ADGB: variants seen among roughly 807,000 people sequenced by gnomAD.
ADGB encodes the protein androglobin.
In ADGB, 172 loss-of-function variants were observed where a neutral mutation model predicts 210.5. The ratio of observed to expected loss-of-function variants is 0.82; its 90% CI spans 0.72 to 0.93. The LOEUF is 0.93. Among genes scored for constraint, ADGB ranks in the 40% least tolerant of loss-of-function variants. The pLI is 0.00. For synonymous variants in ADGB, 658 were observed against 662.7 expected (o/e 0.99, Z 0.11); for missense variants, 2,025 against 1,964.8 (o/e 1.03, Z -0.58).
Position 146,672,482 on chromosome 6 carries a change from A to T in ADGB, c.1087+15A>T, listed in dbSNP as rs1272388095. The T allele has an allele frequency of 2.6e-6, 4 of 1,521,576 alleles. No individual in the cohort carries two copies. The highest frequency in any genetic ancestry group is 3.5e-6 in the Non-Finnish European group (4 of 1,135,922). 94.3% of individuals were successfully genotyped at this position (1,521,576 alleles called of 1,614,324 possible). On this transcript the variant is annotated intron_variant, in intron 8 of 35. Transcript: ENST00000397944. ...AGTTCCAAAGGGTAAGATATTTTAC[A>T]TCAAAATGTGATTCAGTATGGACAT...
chr6:146,658,064 G>A (rs1775809359), intron 5 of ADGB, among the ~76,000 whole-genome samples: 1 of 152,134 alleles, frequency 6.6e-6, no homozygotes, highest in Admixed American at 6.5e-5. Flanking sequence ...TTATGAAAAT[G>A]TAACTTTTTC....
chr6:146,661,273 T>A (rs886710775), intron 5 of ADGB, among the ~76,000 whole-genome samples: 2 of 144,632 alleles, frequency 1.4e-5, no homozygotes, highest in African/African-American at 5.1e-5. Context: ...CAGGCTGGAG[T>A]GTAGTGGCAC....
chr6:146,736,548 G>A lies in ADGB; in HGVS notation c.2845G>A (p.Val949Ile). 2 of 1,549,260 alleles carry A rather than the reference G, an allele frequency of 1.3e-6. No individual in the cohort carries two copies. The highest frequency in any genetic ancestry group is 1.7e-6 in the Non-Finnish European group (2 of 1,145,836). Residue 949 changes from valine (V) to isoleucine (I), a missense_variant, in exon 23 of 36, where the codon GTA becomes ATA. By Grantham distance (29) the Val-to-Ile change is conservative. Transcript: ENST00000397944. ...AGATACTCTTCAAAAAGTTTGGGCT[G>A]TATTGGAAATGAATTTAGAACAGTA... ...VADTLQKVWA[V>I]LEMNLEQYAV...
chr6:146,797,920 C>A (rs914483845), intron 33 of ADGB, among the ~76,000 whole-genome samples: 2 of 146,190 alleles, frequency 1.4e-5, no homozygotes, highest in African/African-American at 5.1e-5. Flanking sequence ...ATTGATAATA[C>A]ATAAATAAAT....
intron 12 of ADGB, among the ~76,000 whole-genome samples, chr6:146,696,316 T>TAATTAATCAATGAAAACTCTGA (rs1562276883): frequency 6.6e-6 from 1 of 152,000 alleles, no homozygotes; most frequent in African/African-American, 2.4e-5. Flanking sequence ...CCTCAGGTGA[T>TAATTAATCAATGAAAACTCTGA]CCACCCACCT....
chr6:146,638,444 G>A (rs1450281484), intron 2 of ADGB, among the ~76,000 whole-genome samples: 1 of 151,724 alleles, frequency 6.6e-6, no homozygotes, highest in Non-Finnish European at 1.5e-5. Context: ...ATGAGTTCAT[G>A]TCCTTTGTAG....
At chr6:146,615,374 G>C (rs1376622635) in intron 1 of ADGB, among the ~76,000 whole-genome samples, 3 of 152,114 alleles carry the variant, frequency 2.0e-5, no homozygotes, top group Non-Finnish European at 4.4e-5. Flanking sequence ...ATGAGATTTG[G>C]AGGGGACAGA....
At chr6:146,799,058 C>CAAAAAAAAAAAAAAAAAA (rs71552962) in intron 33 of ADGB, among the ~76,000 whole-genome samples, 2 of 63,532 alleles carry the variant, frequency 3.1e-5, no homozygotes, top group African/African-American at 6.6e-5. Context: ...TATGGAAATG[C>CAAAAAAAAAAAAAAAAAA]AAAAAAAAAA....
intron 12 of ADGB, among the ~76,000 whole-genome samples, chr6:146,695,591 A>C (rs896668250): frequency 6.6e-6 from 1 of 151,702 alleles, no homozygotes; most frequent in African/African-American, 2.4e-5. Context: ...GGGCTATGTA[A>C]AATTTTTTAA....
At chr6:146,743,490 C>A (rs547307211) in intron 25 of ADGB, among the ~76,000 whole-genome samples, 8 of 152,274 alleles carry the variant, frequency 5.3e-5, no homozygotes, top group Non-Finnish European at 8.8e-5. Flanking sequence ...CATTTTGAGT[C>A]AACGTTCAGA....
chr6:146,633,590 T>A (rs905105434), intron 1 of ADGB, among the ~76,000 whole-genome samples: 3 of 152,124 alleles, frequency 2.0e-5, no homozygotes, highest in African/African-American at 7.2e-5. Flanking sequence ...TCTGGAATAC[T>A]CTTCCTTCCT....
intron 18 of ADGB, 113 bp from the exon 19 acceptor site, chr6:146,725,970 T>C (rs1776889225): frequency 1.7e-6 from 1 of 595,990 alleles, no homozygotes; most frequent in African/African-American, 1.8e-5. Context: ...AAAATTGAAC[T>C]CTTCCCTAAC....
At chr6:146,754,347 G>A (rs1409751380) in intron 27 of ADGB, among the ~76,000 whole-genome samples, 1 of 151,108 alleles carries the variant, frequency 6.6e-6, no homozygotes, top group Non-Finnish European at 1.5e-5. Context: ...ATTCAAACCC[G>A]AATGGCTCTT....
Position 146,664,325 on chromosome 6 carries a change from A to G in ADGB, c.737A>G (p.Lys246Arg). ...ATGCTTTTGTCTAAAGCTATTATCA[A>G]GCTGGCAAATATTGAGTATGTAATG... ...WPMLLSKAII[K>R]LANIDIHVAD... The change falls in exon 6 of 36, where the codon AAG (lysine) becomes AGG (arginine). Residue 246 changes from lysine (K) to arginine (R), a missense_variant. Physicochemically the swap from Lys to Arg is conservative, Grantham distance 26. Coordinates refer to ENST00000397944, the MANE Select transcript of ADGB (RefSeq NM_024694.4). 1 of 1,548,730 alleles carries G rather than the reference A, an allele frequency of 6.5e-7. No individual in the cohort carries two copies. Among genetic ancestry groups the G allele is most frequent in the Non-Finnish European group, 8.7e-7 (1 of 1,145,686 alleles).
At chr6:146,623,434 C>T (rs1780924992) in intron 1 of ADGB, among the ~76,000 whole-genome samples, 1 of 151,750 alleles carries the variant, frequency 6.6e-6, no homozygotes, top group Admixed American at 6.6e-5. Context: ...GACATCTATT[C>T]CCAAGGATCT....
intron 7 of ADGB, 134 bp downstream of exon 7, chr6:146,667,036 A>G (rs1458986719): frequency 1.8e-5 from 11 of 601,086 alleles, no homozygotes; most frequent in Non-Finnish European, 2.6e-5. Flanking sequence ...ATCGTTTTGT[A>G]GTATTATATA....
At chr6:146,789,645 C>T (rs942762153) in intron 33 of ADGB, among the ~76,000 whole-genome samples, 5 of 152,100 alleles carry the variant, frequency 3.3e-5, no homozygotes, top group Non-Finnish European at 7.4e-5. Flanking sequence ...AAAGTACATG[C>T]CCATTCAATA....
intron 13 of ADGB, among the ~76,000 whole-genome samples, chr6:146,707,613 T>G (rs9497609): frequency 0.08 from 12,114 of 152,204 alleles, 1,605 homozygotes; most frequent in African/African-American, 0.27. Context: ...TTTTACCGTT[T>G]TTGACTTAAA....
Position 146,794,832 on chromosome 6 carries a change from G to T in ADGB, c.4537+6222G>T, listed in dbSNP as rs115668794. The stretch of plus-strand genomic sequence containing the variant: ...AACAAAAAAGGAGAGACTACAGAGG[G>T]TCCATCTTATCGACTTGTCCTTGTT... On this transcript the variant is annotated intron_variant, in intron 33 of 35. Coordinates refer to ENST00000397944, the MANE Select transcript of ADGB (RefSeq NM_024694.4). Among the ~76,000 whole-genome samples, 661 of 152,238 alleles carry T rather than the reference G, an allele frequency of 4.3e-3. 3 individuals carry two copies. Among genetic ancestry groups the T allele is most frequent in the African/African-American group, 0.015 (615 of 41,558 alleles).
Sources: allele counts gnomAD v4.1 joint callset (sites outside exome capture counted in the v4.1 genomes callset), GRCh38; gene constraint gnomAD v4.1.1; transcripts MANE v1.5; gene names NCBI Gene and HGNC (gene_info 2026-07-23, HGNC 2026-07-21).